STARD13: variants seen among roughly 807,000 people sequenced by gnomAD.
STARD13 encodes the protein stAR-related lipid transfer protein 13.
In STARD13, 62 loss-of-function variants were observed where a neutral mutation model predicts 106.4. The ratio of observed to expected loss-of-function variants is 0.58; its 90% CI spans 0.48 to 0.72. The LOEUF (loss-of-function observed/expected upper bound fraction) is 0.72. Among genes scored for constraint, STARD13 ranks in the 30% least tolerant of loss-of-function variants. The pLI, the probability that STARD13 is intolerant of heterozygous loss-of-function variation, is 0.00. For missense variants in STARD13, 1,387 were observed against 1,424.0 expected, an observed-to-expected ratio of 0.97 and a Z score of 0.42; for synonymous variants, 565 against 553.0, an observed-to-expected ratio of 1.02 and a Z score of -0.31.
At chr13:33,243,151 C>A (rs1254792536) in intron 1 of STARD13, among the ~76,000 whole-genome samples, 1 of 152,220 alleles carries the variant, frequency 6.6e-6, no homozygotes, top group South Asian at 2.1e-4. Context: ...AGTGCACCTC[C>A]TCTTCTTCCT....
chr13:33,484,081 G>A, the STARD13 span, among the ~76,000 whole-genome samples: 1 of 152,170 alleles, frequency 6.6e-6, no homozygotes, highest in Admixed American at 6.5e-5. Context: ...TTATAACAGT[G>A]AGAAAATTAA....
chr13:33,632,064 C>T, the STARD13 span, among the ~76,000 whole-genome samples: 1 of 152,290 alleles, frequency 6.6e-6, no homozygotes, highest in South Asian at 2.1e-4. Flanking sequence ...TTTGCATTTA[C>T]TAGCTTTATT....
chr13:33,171,442 A>C (rs1175511967), intron 1 of STARD13, among the ~76,000 whole-genome samples: 5 of 152,232 alleles, frequency 3.3e-5, no homozygotes, highest in African/African-American at 4.8e-5. Flanking sequence ...TCTATGTAAT[A>C]ATTATTTCAT....
At chr13:33,121,535 T>C (rs921292770) in intron 7 of STARD13, among the ~76,000 whole-genome samples, 74 of 149,542 alleles carry the variant, frequency 4.9e-4, no homozygotes, top group African/African-American at 1.8e-3. Flanking sequence ...GCCACTGCAC[T>C]CTAGCCTGGG....
chr13:33,284,651 G>T (rs529761674), intron 1 of STARD13, among the ~76,000 whole-genome samples: 1 of 151,448 alleles, frequency 6.6e-6, no homozygotes, highest in South Asian at 2.1e-4. Flanking sequence ...GACTGTAAAC[G>T]TGTGTGTTAG....
At chr13:33,350,209 A>T in intron 1 of STARD13, 1 of 1,438,634 alleles carries the variant, frequency 7.0e-7, no homozygotes, top group East Asian at 2.7e-5. Flanking sequence ...CCCAGAGCAG[A>T]GGAGGGCGGC....
At chr13:33,405,382 G>T in the STARD13 span, among the ~76,000 whole-genome samples, 10 of 152,352 alleles carry the variant, frequency 6.6e-5, no homozygotes, top group African/African-American at 2.2e-4. Flanking sequence ...TCACTTGTGG[G>T]TGCTCACACA....
At chr13:33,447,617 A>G in the STARD13 span, among the ~76,000 whole-genome samples, 7 of 152,216 alleles carry the variant, frequency 4.6e-5, no homozygotes, top group African/African-American at 1.4e-4. Context: ...AGTATAAAAC[A>G]TATGTCATAT....
the STARD13 span, among the ~76,000 whole-genome samples, chr13:33,670,252 T>C: frequency 6.6e-6 from 1 of 152,172 alleles, no homozygotes; most frequent in African/African-American, 2.4e-5. Flanking sequence ...TCACCAAATA[T>C]CACATTGAAC....
chr13:33,277,867 G>A (rs1220705768), intron 1 of STARD13: 1 of 152,124 alleles, frequency 6.6e-6, no homozygotes, highest in Non-Finnish European at 1.5e-5. Context: ...ATCTTTGTGT[G>A]GTTGTTAATT....
chr13:33,481,225 A>G, the STARD13 span, among the ~76,000 whole-genome samples: 8 of 152,230 alleles, frequency 5.3e-5, no homozygotes, highest in Non-Finnish European at 8.8e-5. Flanking sequence ...TATTAAATTT[A>G]GAATAATTAA....
In STARD13 at chr13:33,276,206, A is replaced by G. The variant is rs532470665; in HGVS notation, c.169+9264T>C. ...GGGAAGGAGGTCAGTAGACTTTCCT[A>G]TCTGAAAGAGACCAATGGTGAAAAT... On this transcript the variant is annotated intron_variant, in intron 1 of 13. Coordinates refer to ENST00000336934, the MANE Select transcript of STARD13 (RefSeq NM_178006.4). 3.3e-5 allele frequency: 5 copies of G among 152,340 alleles called. No individual in the cohort carries two copies. The East Asian group carries it at 9.6e-4, about 29-fold the overall frequency. 9.4% of individuals were successfully genotyped at this position (152,340 alleles called of 1,614,324 possible). A position where few individuals can be genotyped will look rare whatever the true frequency, so the allele number is the denominator to read the frequency against.
intron 1 of STARD13, among the ~76,000 whole-genome samples, chr13:33,316,814 G>A (rs890058060): frequency 1.3e-5 from 2 of 152,060 alleles, no homozygotes; most frequent in South Asian, 2.1e-4. Context: ...TGTCCCCACC[G>A]TTCATCAGGC....
intron 3 of STARD13, among the ~76,000 whole-genome samples, chr13:33,144,645 A>G (rs1566022518): frequency 6.6e-6 from 1 of 152,172 alleles, no homozygotes; most frequent in Non-Finnish European, 1.5e-5. Context: ...CTCATCTGAG[A>G]CCATCTTTGG....
At chr13:33,275,392 G>T (rs1018420440) in intron 1 of STARD13, among the ~76,000 whole-genome samples, 3 of 152,104 alleles carry the variant, frequency 2.0e-5, no homozygotes, top group African/African-American at 7.2e-5. Flanking sequence ...GTCTTAAATT[G>T]AGCACTTAGT....
chr13:33,203,517 A>T (rs986938392), intron 1 of STARD13, among the ~76,000 whole-genome samples: 93 of 151,264 alleles, frequency 6.1e-4, no homozygotes, highest in African/African-American at 2.2e-3. Context: ...ACTATTATCC[A>T]TTTTTTTTTA....
chr13:33,291,153 T>C (rs1892277276), intron 1 of STARD13, among the ~76,000 whole-genome samples: 1 of 152,234 alleles, frequency 6.6e-6, no homozygotes, highest in African/African-American at 2.4e-5. Flanking sequence ...CAGAGTGTAT[T>C]ATCCCACAGA....
At chr13:33,280,418 G>T (rs1016354205) in intron 1 of STARD13, 1 of 152,032 alleles carries the variant, frequency 6.6e-6, no homozygotes, top group African/African-American at 2.4e-5. Context: ...CTACTTTCTC[G>T]GTAGTGAAAC....
At chr13:33,474,644 T>G in the STARD13 span, among the ~76,000 whole-genome samples, 1 of 152,194 alleles carries the variant, frequency 6.6e-6, no homozygotes, top group Non-Finnish European at 1.5e-5. Context: ...AAAAATGCTT[T>G]GAAATTGGCA....
Sources: allele counts gnomAD v4.1 joint callset (sites outside exome capture counted in the v4.1 genomes callset), GRCh38; gene constraint gnomAD v4.1.1; transcripts MANE v1.5; gene names NCBI Gene and HGNC (gene_info 2026-07-23, HGNC 2026-07-21).